PHF24: variants seen among roughly 807,000 people sequenced by gnomAD.
PHF24 encodes Galpha inhibitory interacting protein.
In PHF24, 25 loss-of-function variants were observed where a neutral mutation model predicts 42.6. The observed-to-expected ratio is 0.59, with a 90% CI of 0.43 to 0.82. The LOEUF is 0.82. Among genes scored for constraint, PHF24 ranks in the 40% least tolerant of loss-of-function variants. The pLI is 0.00. For synonymous variants in PHF24, 185 were observed against 204.8 expected (o/e 0.90, Z 0.83); for missense variants, 470 against 538.1 (o/e 0.87, Z 1.25).
chr9:34,906,168 A>G, the PHF24 span, among the ~76,000 whole-genome samples: 1 of 152,168 alleles, frequency 6.6e-6, no homozygotes, highest in Admixed American at 6.5e-5. Flanking sequence ...AATATTTTAA[A>G]GAGGTTTATT....
chr9:34,857,971 GGTTTT>G, the PHF24 span, among the ~76,000 whole-genome samples: 3 of 109,804 alleles, frequency 2.7e-5, no homozygotes, highest in African/African-American at 4.4e-5. Flanking sequence ...TTGTTTCTCT[GGTTTT>G]TTTTTTTTTT....
chr9:34,762,349 C>A, the PHF24 span, among the ~76,000 whole-genome samples: 1 of 149,304 alleles, frequency 6.7e-6, no homozygotes, highest in African/African-American at 2.5e-5. Flanking sequence ...CACATCCTCT[C>A]CAGCACCTGT....
chr9:34,971,091 ATAAAT>A (rs1826958755), intron 1 of PHF24, among the ~76,000 whole-genome samples, 199 bp from the exon 2 acceptor site: 1 of 152,100 alleles, frequency 6.6e-6, no homozygotes, highest in Admixed American at 6.5e-5. Flanking sequence ...TCTCTAATAA[ATAAAT>A]TAAATAAATA....
the PHF24 span, among the ~76,000 whole-genome samples, chr9:34,937,647 T>TTAAAAAAA: frequency 1.4e-5 from 2 of 142,792 alleles, 1 homozygote; most frequent in South Asian, 4.5e-4. Context: ...ATGATCAATT[T>TTAAAAAAA]AAAAAAAAAA....
chr9:34,957,838 A>C (rs762195523), upstream of PHF24: 2 of 151,092 alleles, frequency 1.3e-5, no homozygotes, highest in African/African-American at 4.9e-5. Context: ...CCCCCACCCA[A>C]CCCCCGGCGC....
intron 1 of PHF24, among the ~76,000 whole-genome samples, chr9:34,965,416 T>G (rs920008706): frequency 2.6e-5 from 4 of 152,262 alleles, no homozygotes; most frequent in African/African-American, 9.6e-5. Flanking sequence ...ACTTTGCATT[T>G]CTGCCCTTAC....
At chr9:34,771,749 A>G in the PHF24 span, among the ~76,000 whole-genome samples, 3 of 152,202 alleles carry the variant, frequency 2.0e-5, no homozygotes, top group African/African-American at 7.2e-5. Flanking sequence ...TACATTCTAG[A>G]GAGAAACCTA....
the PHF24 span, among the ~76,000 whole-genome samples, chr9:34,883,532 A>G: frequency 6.6e-6 from 1 of 152,212 alleles, no homozygotes; most frequent in Non-Finnish European, 1.5e-5. Context: ...AAATCAAACA[A>G]TCCCATCAAA....
the PHF24 span, among the ~76,000 whole-genome samples, chr9:34,929,549 G>T: frequency 6.6e-6 from 1 of 152,172 alleles, no homozygotes; most frequent in Admixed American, 6.5e-5. Flanking sequence ...GCAAACTAAT[G>T]AATGATGAGT....
the PHF24 span, among the ~76,000 whole-genome samples, chr9:34,743,023 G>A: frequency 1.3e-5 from 2 of 152,280 alleles, no homozygotes; most frequent in South Asian, 2.1e-4. Flanking sequence ...AAAATATTTA[G>A]TATTTCACAA....
the PHF24 span, among the ~76,000 whole-genome samples, chr9:34,819,344 A>G: frequency 2.0e-5 from 3 of 151,712 alleles, no homozygotes; most frequent in African/African-American, 7.3e-5. Flanking sequence ...TGCTTTTCCT[A>G]GTTTATTAAG....
the PHF24 span, among the ~76,000 whole-genome samples, chr9:34,693,687 A>G: frequency 6.6e-6 from 1 of 152,198 alleles, no homozygotes; most frequent in Non-Finnish European, 1.5e-5. Flanking sequence ...AGGGCATTAA[A>G]AAAATTGAAG....
At chr9:34,730,800 C>T in the PHF24 span, among the ~76,000 whole-genome samples, 13 of 152,306 alleles carry the variant, frequency 8.5e-5, no homozygotes, top group African/African-American at 2.2e-4. Flanking sequence ...AAGGACTCTT[C>T]CTGGTGGGAG....
At chr9:34,811,830 G>C in the PHF24 span, among the ~76,000 whole-genome samples, 1 of 151,988 alleles carries the variant, frequency 6.6e-6, no homozygotes, top group Non-Finnish European at 1.5e-5. Flanking sequence ...ATGCATAAAA[G>C]AATACCATAA....
the PHF24 span, among the ~76,000 whole-genome samples, chr9:34,850,444 C>T: frequency 6.6e-6 from 1 of 152,204 alleles, no homozygotes; most frequent in Admixed American, 6.5e-5. Context: ...CCTTGGCTTT[C>T]AGCTCCATCA....
chr9:34,803,297 G>A, the PHF24 span, among the ~76,000 whole-genome samples: 1 of 151,690 alleles, frequency 6.6e-6, no homozygotes, highest in African/African-American at 2.4e-5. Context: ...GGAATATTTA[G>A]TATGTTCTAA....
At chr9:34,799,497 A>G in the PHF24 span, among the ~76,000 whole-genome samples, 6 of 152,176 alleles carry the variant, frequency 3.9e-5, no homozygotes, top group African/African-American at 1.2e-4. Context: ...CCTTGCCTCA[A>G]TGTAAGAAAA....
At chr9:34,965,325 A>T (rs1826730725) in intron 1 of PHF24, among the ~76,000 whole-genome samples, 1 of 152,256 alleles carries the variant, frequency 6.6e-6, no homozygotes, top group Admixed American at 6.5e-5. Context: ...TTCACAGTTT[A>T]CTGTCAAAGT....
At chr9:34,785,292 C>T in the PHF24 span, among the ~76,000 whole-genome samples, 66 of 152,200 alleles carry the variant, frequency 4.3e-4, no homozygotes, top group Non-Finnish European at 3.8e-4. Context: ...GAAGGCTCTT[C>T]TGTAAGGGCA....
Sources: allele counts gnomAD v4.1 joint callset (sites outside exome capture counted in the v4.1 genomes callset), GRCh38; gene constraint gnomAD v4.1.1; transcripts MANE v1.5; gene names NCBI Gene and HGNC (gene_info 2026-07-23, HGNC 2026-07-21).